Variants in ZNF442 observed in about 807,000 individuals in gnomAD.
ZNF442 encodes the protein zinc finger protein 442.
ZNF442 carries 45 observed loss-of-function variants against 57.0 expected under a neutral mutation model. That is an observed-to-expected ratio of 0.79 (90% CI 0.62 to 1.01). ZNF442 has a LOEUF of 1.01. Ranked by LOEUF, ZNF442 falls within the 50% of genes least tolerant of loss-of-function variation. The pLI, the probability that ZNF442 is intolerant of heterozygous loss-of-function variation, is 0.00. For missense variants in ZNF442, 690 were observed against 756.5 expected, an observed-to-expected ratio of 0.91 and a Z score of 1.03; for synonymous variants, 213 against 241.8, an observed-to-expected ratio of 0.88 and a Z score of 1.10.
At chr19:12,373,065 C>T in the ZNF442 span, among the ~76,000 whole-genome samples, 1 of 152,174 alleles carries the variant, frequency 6.6e-6, no homozygotes, top group Non-Finnish European at 1.5e-5. Flanking sequence ...AGCCACCGCA[C>T]CCAGCCGGAT....
At chr19:12,370,227 G>A (rs900729333), upstream of ZNF442, among the ~76,000 whole-genome samples, 18 of 151,472 alleles carry the variant, frequency 1.2e-4, no homozygotes, top group African/African-American at 4.4e-4. Flanking sequence ...GGGGGTGGTG[G>A]GAGACAGTGA....
chr19:12,360,097 C>G (rs1177560558), intron 3 of ZNF442, among the ~76,000 whole-genome samples: 1 of 152,184 alleles, frequency 6.6e-6, no homozygotes, highest in Non-Finnish European at 1.5e-5. Context: ...CTTAGAGATG[C>G]CTCAGATCTT....
At chr19:12,361,064 G>A (rs192579305) in intron 3 of ZNF442, among the ~76,000 whole-genome samples, 1 of 152,050 alleles carries the variant, frequency 6.6e-6, no homozygotes, top group East Asian at 1.9e-4. Flanking sequence ...GGTGGTGCAT[G>A]CCTATAATCC....
At chr19:12,355,108 A>G (rs142010207) in intron 3 of ZNF442, among the ~76,000 whole-genome samples, 4,381 of 151,832 alleles carry the variant, frequency 0.029, 227 homozygotes, top group African/African-American at 0.1. Flanking sequence ...TGGCTAACAC[A>G]GTGAAACCCT....
In ZNF442 at chr19:12,352,186, T is replaced by A. The variant is rs1438335921; in HGVS notation, c.206-116A>T. On this transcript the variant is annotated intron_variant, in intron 4 of 5. Coordinates refer to ENST00000242804, the MANE Select transcript of ZNF442 (RefSeq NM_030824.3). ...TCATTCACTGAATTGTAGCTGACTCTTGAACAACATAGGTTTGTACCTCGT... is the reference window on the plus strand; with the variant it reads ...TCATTCACTGAATTGTAGCTGACTCATGAACAACATAGGTTTGTACCTCGT... 3.2e-6 allele frequency: 3 copies of A among 943,588 alleles called. No homozygotes were observed. In the African/African-American group the frequency reaches 5.0e-5, roughly 16 times the overall value. The allele number at this position is 943,588 out of a possible 1,614,324, so 58.5% of individuals were successfully genotyped here.
At chr19:12,364,513 G>A (rs960419613) in intron 2 of ZNF442, among the ~76,000 whole-genome samples, 25 of 152,042 alleles carry the variant, frequency 1.6e-4, no homozygotes, top group African/African-American at 6.0e-4. Context: ...CGGGTGGGGC[G>A]GAGGAGGGAG....
At chr19:12,354,213 G>A (rs1280808883) in intron 3 of ZNF442, among the ~76,000 whole-genome samples, 1 of 152,138 alleles carries the variant, frequency 6.6e-6, no homozygotes, top group Admixed American at 6.6e-5. Context: ...CCCATCCTAT[G>A]TGATTACACT....
At position 12,363,680 on chromosome 19, in the gene ZNF442, G is replaced by A; in HGVS notation, c.-40-9C>T. Reference sequence around the variant, plus strand: ...TCCCCAAGGAATGGAAACTGGGGTTGGGGAAGAACAAGGTGATTGTCCCAA... The same window carrying A: ...TCCCCAAGGAATGGAAACTGGGGTTAGGGAAGAACAAGGTGATTGTCCCAA... On this transcript the variant is annotated splice_polypyrimidine_tract_variant and intron_variant, in intron 2 of 5. Transcript: ENST00000242804. 1.3e-6 allele frequency: 2 copies of A among 1,549,458 alleles called. No homozygotes were observed. The highest frequency in any genetic ancestry group is 1.8e-6 in the Non-Finnish European group (2 of 1,121,366).
chr19:12,372,348 A>G, the ZNF442 span, among the ~76,000 whole-genome samples: 31 of 152,134 alleles, frequency 2.0e-4, no homozygotes, highest in South Asian at 6.2e-3. Flanking sequence ...AATCCCAGCT[A>G]CTTGGGAGGC....
chr19:12,361,614 C>A (rs1266346385), intron 3 of ZNF442, among the ~76,000 whole-genome samples: 2 of 149,840 alleles, frequency 1.3e-5, no homozygotes, highest in African/African-American at 2.5e-5. Context: ...ACTTGACAGA[C>A]TGGGGGAAAA....
In ZNF442 at chr19:12,349,560, C is replaced by T; in HGVS notation, c.*141G>A. 2.4e-6 allele frequency: 2 copies of T among 836,610 alleles called. No homozygotes were observed. The highest frequency in any genetic ancestry group is 1.8e-6 in the Non-Finnish European group (1 of 558,550). 51.8% of individuals were successfully genotyped at this position (836,610 alleles called of 1,614,324 possible). ...GCTTAGGGGGTCTGGAACCAATCCC[C>T]TGCATATGGTTAGGGGATAACCATA... is the stretch of plus-strand genomic sequence containing the variant. On this transcript the variant is annotated 3_prime_UTR_variant, in exon 6 of 6. Coordinates refer to ENST00000242804, the MANE Select transcript of ZNF442 (RefSeq NM_030824.3).
chr19:12,350,664 G>A lies in ZNF442; in HGVS notation c.921C>T (p.Ser307=), dbSNP rs867507898. Residue 307 remains serine (S), a synonymous_variant, in exon 6 of 6, where the codon TCC becomes TCT. Transcript: ENST00000242804. ...RCGRAFSVSS[S]LRIHERTHTG... The stretch of plus-strand genomic sequence containing the variant: ...TGTGAGTTCTTTCATGTATTCGAAG[G>A]GAACTGGAAACACTGAAGGCTCTTC... The A allele has an allele frequency of 1.2e-6, 2 of 1,613,206 alleles. No individual in the cohort carries two copies. The highest frequency in any genetic ancestry group is 1.7e-4 in the Middle Eastern group (1 of 6,056).
intron 4 of ZNF442, 112 bp downstream of exon 4, chr19:12,352,876 T>C (rs1303878636): frequency 1.5e-6 from 2 of 1,320,216 alleles, no homozygotes; most frequent in Non-Finnish European, 2.1e-6. Context: ...AACCCTGTGT[T>C]GTTGAAGGGT....
At chr19:12,371,818 T>C in the ZNF442 span, among the ~76,000 whole-genome samples, 2 of 152,196 alleles carry the variant, frequency 1.3e-5, no homozygotes, top group African/African-American at 4.8e-5. Flanking sequence ...AAGACTTAAA[T>C]GTAAAACCTC....
intron 3 of ZNF442, among the ~76,000 whole-genome samples, chr19:12,357,532 T>C (rs1969353949): frequency 6.6e-6 from 1 of 151,966 alleles, no homozygotes; most frequent in African/African-American, 2.4e-5. Flanking sequence ...TGTGTATTTT[T>C]AGTAAAGACG....
At position 12,350,351 on chromosome 19, in the gene ZNF442, T is replaced by G; in HGVS notation, c.1234A>C (p.Lys412Gln). The G allele has an allele frequency of 1.2e-6, 2 of 1,614,004 alleles. No homozygotes were observed. Among genetic ancestry groups the G allele is most frequent in the Non-Finnish European group, 1.7e-6 (2 of 1,180,034 alleles). Residue 412 changes from lysine (K) to glutamine (Q), a missense_variant, in exon 6 of 6, where the codon AAA becomes CAA. Lys to Gln is a moderately conservative substitution (Grantham distance 53, BLOSUM62 1). Coordinates refer to ENST00000242804, the MANE Select transcript of ZNF442 (RefSeq NM_030824.3). ...DGPHKCKVCG[K>Q]AFIYPSVFQG... ...AATACACTGGGATAAATGAAGGCTTTCCCACATACCTTGCATTTGTGAGGT... is the reference window on the plus strand; with the variant it reads ...AATACACTGGGATAAATGAAGGCTTGCCCACATACCTTGCATTTGTGAGGT...
chr19:12,349,660 G>A lies in ZNF442; in HGVS notation c.*41C>T, dbSNP rs562921627. 4.9e-5 allele frequency: 75 copies of A among 1,544,080 alleles called. No individual in the cohort carries two copies. Among genetic ancestry groups the A allele is most frequent in the Non-Finnish European group, 6.1e-5 (70 of 1,146,582 alleles). On this transcript the variant is annotated 3_prime_UTR_variant, in exon 6 of 6. Coordinates refer to ENST00000242804, the MANE Select transcript of ZNF442 (RefSeq NM_030824.3). Reference sequence around the variant, plus strand: ...TTATCTCCTATGTGATTTCTTTCACGTTTCTGAAATGAAATAAAATTAATG... The same window carrying A: ...TTATCTCCTATGTGATTTCTTTCACATTTCTGAAATGAAATAAAATTAATG...
Position 12,363,638 on chromosome 19 carries a change from G to A in ZNF442, c.-7C>T, listed in dbSNP as rs780045771. Reference sequence around the variant, plus strand: ...CTCCCCCAAATACAATCATTCAACTGGCTGACCAGCCGTGTGTCCCCAAGG... The same window carrying A: ...CTCCCCCAAATACAATCATTCAACTAGCTGACCAGCCGTGTGTCCCCAAGG... On this transcript the variant is annotated 5_prime_UTR_variant, in exon 3 of 6. Transcript: ENST00000242804. The A allele has an allele frequency of 6.2e-7, 1 of 1,613,908 alleles. No individual in the cohort carries two copies. Among genetic ancestry groups the A allele is most frequent in the East Asian group, 2.2e-5 (1 of 44,884 alleles).
chr19:12,373,225 G>A, the ZNF442 span, among the ~76,000 whole-genome samples: 5 of 152,238 alleles, frequency 3.3e-5, no homozygotes, highest in South Asian at 6.2e-4. Flanking sequence ...AGGAAACATA[G>A]ACAGATGCTG....
Sources: gnomAD v4.1 joint callset for allele counts (sites outside exome capture counted in the v4.1 genomes callset) on GRCh38, gnomAD v4.1.1 for gene constraint, MANE v1.5 for transcripts, NCBI Gene and HGNC (gene_info 2026-07-23, HGNC 2026-07-21) for gene names.